The following CCDC144A variants were observed in gnomAD, a reference collection of about 807,000 sequenced individuals.
CCDC144A encodes coiled-coil domain containing 144A.
In CCDC144A, 41 loss-of-function variants were observed where a neutral mutation model predicts 143.8. That is an observed-to-expected ratio of 0.29 (90% CI 0.22 to 0.37). CCDC144A has a LOEUF of 0.37. CCDC144A is among the 10% of genes least tolerant of loss of function. The pLI is 1.00. For missense variants in CCDC144A, 637 were observed against 1,488.8 expected, an observed-to-expected ratio of 0.43 and a Z score of 9.41; for synonymous variants, 242 against 517.9, an observed-to-expected ratio of 0.47 and a Z score of 7.23.
chr17:16,737,421 C>A, intron 12 of CCDC144A: 1 of 1,112,290 alleles, frequency 9.0e-7, no homozygotes, highest in South Asian at 1.8e-5. Context: ...CCGCCTCGGC[C>A]TCCCAAAGTG....
chr17:16,739,781 G>A (rs1439246440), intron 12 of CCDC144A, among the ~76,000 whole-genome samples: 1 of 152,004 alleles, frequency 6.6e-6, no homozygotes. Flanking sequence ...CCTTATGCCA[G>A]TAGCAAATCA....
the CCDC144A span, among the ~76,000 whole-genome samples, chr17:16,671,423 T>C: frequency 6.6e-6 from 1 of 152,150 alleles, no homozygotes; most frequent in South Asian, 2.1e-4. Context: ...AAGTTCTGTG[T>C]CCTGCTCTGA....
intron 4 of CCDC144A, 74 bp downstream of exon 4, chr17:16,707,616 G>A (rs1371414737): frequency 2.2e-6 from 2 of 911,598 alleles, no homozygotes; most frequent in African/African-American, 1.7e-5. Flanking sequence ...ATATAAGCTA[G>A]CCCAAATGAA....
chr17:16,711,159 C>CAAAAAAAAAAAAAAAAAAAA lies in CCDC144A; in HGVS notation c.1579-516_1579-515insAAAAAAAAAAAAAAAAAAAA, dbSNP rs1567589809. Among the ~76,000 whole-genome samples, 2 of 79,408 alleles carry CAAAAAAAAAAAAAAAAAAAA rather than the reference C, an allele frequency of 2.5e-5. 1 individual carries two copies. Among genetic ancestry groups the CAAAAAAAAAAAAAAAAAAAA allele is most frequent in the Non-Finnish European group, 4.6e-5 (2 of 43,310 alleles). 52.1% of individuals were successfully genotyped at this position (79,408 alleles called of 152,430 possible). A position where few individuals can be genotyped will look rare whatever the true frequency, so the allele number is the denominator to read the frequency against. ...ATGAAAAAAAAAAAAAAAAAAAAAA[C>CAAAAAAAAAAAAAAAAAAAA]AAAAGTTAGTGGGGGAAAAGAATAG... On this transcript the variant is annotated intron_variant, in intron 5 of 16. Coordinates refer to ENST00000399273, the MANE Select transcript of CCDC144A (RefSeq NM_001382000.1).
At position 16,758,473 on chromosome 17, in the gene CCDC144A, A is replaced by G. The variant is rs561047940; in HGVS notation, c.3373-2952A>G. On this transcript the variant is annotated intron_variant, in intron 12 of 16. Transcript: ENST00000399273. ...CAAAGACGTAAGAACTAAAGGGACA[A>G]CTTGTCTACCACTCACCCACCCAGC... is the stretch of plus-strand genomic sequence containing the variant. Among the ~76,000 whole-genome samples the G allele has an allele frequency of 3.6e-3, 543 of 152,302 alleles. 1 individual carries two copies. The highest frequency in any genetic ancestry group is 0.012 in the African/African-American group (493 of 41,540).
intron 12 of CCDC144A, among the ~76,000 whole-genome samples, chr17:16,756,702 C>G (rs1915103476): frequency 6.6e-6 from 1 of 151,370 alleles, no homozygotes. Context: ...TTTGATTTTT[C>G]ATACTTCTTG....
chr17:16,755,760 CA>C (rs1425153872), intron 12 of CCDC144A, among the ~76,000 whole-genome samples: 1 of 152,158 alleles, frequency 6.6e-6, no homozygotes, highest in African/African-American at 2.4e-5. Context: ...AGGGTTTTGC[CA>C]AATTGCCCAG....
At chr17:16,745,940 C>CTCG (rs1272170519) in intron 12 of CCDC144A, 1 of 1,604,612 alleles carries the variant, frequency 6.2e-7, no homozygotes, top group Non-Finnish European at 8.5e-7. Context: ...GCCGGTCAGG[C>CTCG]TCGTGGTGAG....
At chr17:16,735,764 T>G in intron 12 of CCDC144A, 121 bp downstream of exon 12, 1 of 910,142 alleles carries the variant, frequency 1.1e-6, no homozygotes, top group Non-Finnish European at 1.6e-6. Context: ...ATAAATGTAC[T>G]TGCTGTATCA....
chr17:16,714,275 C>A (rs1168078138), intron 6 of CCDC144A, among the ~76,000 whole-genome samples: 1 of 152,188 alleles, frequency 6.6e-6, no homozygotes, highest in Non-Finnish European at 1.5e-5. Flanking sequence ...TGCGTGTCTC[C>A]AGCCTAGATC....
the CCDC144A span, among the ~76,000 whole-genome samples, chr17:16,673,351 G>A: frequency 6.7e-6 from 1 of 150,000 alleles, no homozygotes; most frequent in African/African-American, 2.4e-5. Context: ...TTTGCTATTC[G>A]CTTACATTTA....
At chr17:16,771,767 A>G (rs1179420496) in intron 15 of CCDC144A, among the ~76,000 whole-genome samples, 4 of 152,282 alleles carry the variant, frequency 2.6e-5, no homozygotes, top group African/African-American at 9.6e-5. Flanking sequence ...TACTTTTGTG[A>G]GATTAATCTA....
chr17:16,746,775 C>A (rs1413026108), intron 12 of CCDC144A: 2 of 1,588,502 alleles, frequency 1.3e-6, no homozygotes, highest in East Asian at 2.3e-5. Flanking sequence ...GGGGAGCGCG[C>A]GGCCGTTCCC....
At chr17:16,687,909 CTAACTT>C (rs1183130893), upstream of CCDC144A, among the ~76,000 whole-genome samples, 1 of 151,464 alleles carries the variant, frequency 6.6e-6, no homozygotes, top group African/African-American at 2.4e-5. Context: ...TTTTAGCACA[CTAACTT>C]TAACTACATT....
At chr17:16,683,723 G>A in the CCDC144A span, 1 of 1,584,320 alleles carries the variant, frequency 6.3e-7, no homozygotes, top group Non-Finnish European at 8.7e-7. Context: ...AAGCCAGCAA[G>A]CGACTCCGTG....
At chr17:16,739,817 C>T (rs1914180614) in intron 12 of CCDC144A, among the ~76,000 whole-genome samples, 2 of 151,798 alleles carry the variant, frequency 1.3e-5, no homozygotes, top group South Asian at 4.2e-4. Context: ...CATTTTCAGT[C>T]CTGTTGCTTA....
At chr17:16,731,032 G>A (rs1913716475) in intron 9 of CCDC144A, among the ~76,000 whole-genome samples, 1 of 150,950 alleles carries the variant, frequency 6.6e-6, no homozygotes, top group Non-Finnish European at 1.5e-5. Flanking sequence ...AAGTAAAATG[G>A]ACAGTAATTG....
At chr17:16,739,833 A>G (rs1456449484) in intron 12 of CCDC144A, among the ~76,000 whole-genome samples, 1 of 151,696 alleles carries the variant, frequency 6.6e-6, no homozygotes, top group Non-Finnish European at 1.5e-5. Context: ...GCTTATTACC[A>G]GTTGTCTTAT....
chr17:16,697,867 G>C (rs1911506923), intron 2 of CCDC144A, among the ~76,000 whole-genome samples: 1 of 152,198 alleles, frequency 6.6e-6, no homozygotes, highest in African/African-American at 2.4e-5. Context: ...GGGATAGGGA[G>C]AAATCTCAGA....
Sources: gnomAD v4.1 joint callset for allele counts (sites outside exome capture counted in the v4.1 genomes callset) on GRCh38, gnomAD v4.1.1 for gene constraint, MANE v1.5 for transcripts, NCBI Gene and HGNC (gene_info 2026-07-23, HGNC 2026-07-21) for gene names.